The following RIF1 variants were observed in gnomAD, a reference collection of about 807,000 sequenced individuals.
RIF1 encodes the protein telomere-associated protein RIF1.
RIF1 carries 45 observed loss-of-function variants against 247.1 expected under a neutral mutation model. The ratio of observed to expected loss-of-function variants is 0.18; its 90% CI spans 0.14 to 0.23. The LOEUF is 0.23. RIF1 is among the 10% of genes least tolerant of loss of function. The probability of loss-of-function intolerance (pLI) is 1.00; values close to 1 mark genes in which losing one functional copy is unlikely to be tolerated. For missense variants in RIF1, 2,967 were observed against 2,862.5 expected (o/e 1.04, Z -0.83); for synonymous variants, 1,087 against 978.8 (o/e 1.11, Z -2.06).
At chr2:151,514,000 A>G in the RIF1 span, among the ~76,000 whole-genome samples, 1 of 152,254 alleles carries the variant, frequency 6.6e-6, no homozygotes, top group Non-Finnish European at 1.5e-5. Flanking sequence ...TACATAACTA[A>G]GATTACACTT....
intron 21 of RIF1, among the ~76,000 whole-genome samples, chr2:151,452,611 A>G (rs956449260): frequency 6.6e-6 from 1 of 152,222 alleles, no homozygotes; most frequent in African/African-American, 2.4e-5. Context: ...CCGTGGAAAT[A>G]TAGGTTATAG....
chr2:151,463,343 T>C lies in RIF1; in HGVS notation c.3823T>C (p.Ser1275Pro), dbSNP rs1204133029. ...AKQREGTFSK[S>P]DSEKIVNGTK... ...GCAAAGAGAAGGGACTTTTTCAAAA[T>C]CTGATTCTGAAAAAATAGTGAATGG... Residue 1275 changes from serine to proline, a missense_variant, in exon 30 of 36, where the codon TCT (serine) becomes CCT (proline). Ser to Pro is a moderately conservative substitution (Grantham distance 74). Coordinates refer to ENST00000444746, the MANE Select transcript of RIF1 (RefSeq NM_018151.5). 6.2e-7 allele frequency: 1 copy of C among 1,613,696 alleles called. No individual in the cohort carries two copies. The highest frequency in any genetic ancestry group is 1.3e-5 in the African/African-American group (1 of 74,894).
At chr2:151,460,729 C>A (rs1246942417) in intron 26 of RIF1, among the ~76,000 whole-genome samples, 1 of 152,184 alleles carries the variant, frequency 6.6e-6, no homozygotes, top group Non-Finnish European at 1.5e-5. Flanking sequence ...TTCCAATGAA[C>A]ATTTATTAAG....
rs541908352 is a variant in RIF1, at chr2:151,496,277, G to A, written c.*513+951G>A. On this transcript the variant is annotated intron_variant and NMD_transcript_variant, in intron 10 of 13. Transcript: ENST00000454583. ...TTTTTTTCTTTTCTCGCCAAGTACC[G>A]AGCTAATATTTTCTTGATTGTGTTT... The A allele has an allele frequency of 2.6e-5, 42 of 1,604,380 alleles. No individual in the cohort carries two copies. The highest frequency in any genetic ancestry group is 5.3e-5 in the African/African-American group (4 of 74,838).
Position 151,436,816 on chromosome 2 carries a change from T to G in RIF1, c.1196-11T>G. 6.4e-7 allele frequency: 1 copy of G among 1,556,592 alleles called. No individual in the cohort carries two copies. Among genetic ancestry groups the G allele is most frequent in the Non-Finnish European group, 8.6e-7 (1 of 1,156,150 alleles). ...TTGTATGACTTAACTCTTTTTTTTT[T>G]TTTCTTAAAGGTGCTTCCTCCCCGT... On this transcript the variant is annotated splice_polypyrimidine_tract_variant and intron_variant, in intron 11 of 35. Transcript: ENST00000444746.
At chr2:151,493,933 A>G (rs957266874) in intron 9 of RIF1, 9 of 1,160,212 alleles carry the variant, frequency 7.8e-6, no homozygotes, top group Non-Finnish European at 1.1e-5. Flanking sequence ...TTATATTGCA[A>G]GTTGGGGGGA....
intron 28 of RIF1, 27 bp from the exon 29 acceptor site, chr2:151,462,385 T>C (rs1696322983): frequency 1.4e-6 from 2 of 1,465,704 alleles, no homozygotes; most frequent in Non-Finnish European, 1.8e-6. Context: ...ATTATAAAAA[T>C]AATATTCTTA....
rs147524937 is a variant in RIF1, at chr2:151,464,323, A to G, written c.4803A>G (p.Ser1601=). The change falls in exon 30 of 36, where the codon TCA becomes TCG. Residue 1601 remains serine, a synonymous_variant. Transcript: ENST00000444746. ...KQECIKAENQ[S]HDYKATSEED... ...AATGTATAAAAGCTGAAAATCAGTC[A>G]CATGATTATAAAGCAACTTCTGAAG... 6.2e-7 allele frequency: 1 copy of G among 1,610,254 alleles called. No individual in the cohort carries two copies. The highest frequency in any genetic ancestry group is 8.5e-7 in the Non-Finnish European group (1 of 1,179,056).
the RIF1 span, chr2:151,516,418 G>T: frequency 7.3e-7 from 1 of 1,375,166 alleles, no homozygotes; most frequent in Non-Finnish European, 1.0e-6. Context: ...GTTCAGTAGT[G>T]TGATGGATCA....
intron 12 of RIF1, chr2:151,505,461 G>A (rs2068064967): frequency 6.2e-7 from 1 of 1,604,958 alleles, no homozygotes; most frequent in Non-Finnish European, 8.5e-7. Flanking sequence ...AATGGAAGCT[G>A]AGAGTATGGC....
At chr2:151,491,696 TA>T in intron 9 of RIF1, 3 of 1,593,626 alleles carry the variant, frequency 1.9e-6, no homozygotes, top group South Asian at 2.3e-5. Context: ...TAATCATGTG[TA>T]AGCTTCGGGA....
Position 151,432,314 on chromosome 2 carries a change from T to C in RIF1, c.926-763T>C, listed in dbSNP as rs570067763. On this transcript the variant is annotated intron_variant, in intron 9 of 35. Coordinates refer to ENST00000444746, the MANE Select transcript of RIF1 (RefSeq NM_018151.5). ...CGTGAACCACCACGCCCAGCCCTTT[T>C]AAGGTCTTTTTGACAAGTTATTTTA... Among the ~76,000 whole-genome samples the C allele has an allele frequency of 4.7e-4, 72 of 152,274 alleles. 2 individuals carry two copies. In the South Asian group the frequency reaches 0.014, roughly 30 times the overall value.
At chr2:151,520,461 TAACTC>T in the RIF1 span, among the ~76,000 whole-genome samples, 1 of 152,196 alleles carries the variant, frequency 6.6e-6, no homozygotes, top group Non-Finnish European at 1.5e-5. Flanking sequence ...GAGGGCTAAA[TAACTC>T]CAATTTAAAA....
intron 12 of RIF1, chr2:151,505,884 G>T (rs3815852): frequency 3.7e-6 from 2 of 537,826 alleles, no homozygotes; most frequent in Non-Finnish European, 6.6e-6. Context: ...TAAACAGATT[G>T]ACATACATAT....
Position 151,451,725 on chromosome 2 carries a change from C to A in RIF1, c.2344+20C>A. On this transcript the variant is annotated intron_variant, in intron 21 of 35. Transcript: ENST00000444746. Reference sequence around the variant, plus strand: ...TTAAATGTAAGTATGTATTTTTTAACCTTTGTTTGTCCAGTATTTCATAAG... The same window carrying A: ...TTAAATGTAAGTATGTATTTTTTAAACTTTGTTTGTCCAGTATTTCATAAG... 8.0e-7 allele frequency: 1 copy of A among 1,243,504 alleles called. No homozygotes were observed. The highest frequency in any genetic ancestry group is 1.2e-5 in the South Asian group (1 of 83,144). The allele number at this position is 1,243,504 out of a possible 1,614,324, so 77.0% of individuals were successfully genotyped here. A position where few individuals can be genotyped will look rare whatever the true frequency, so the allele number is the denominator to read the frequency against.
In RIF1 at chr2:151,409,933, C is replaced by T. The variant is rs1036995847; in HGVS notation, c.-111C>T. 4 of 700,828 alleles carry T rather than the reference C, an allele frequency of 5.7e-6. No individual in the cohort carries two copies. Among genetic ancestry groups the T allele is most frequent in the Admixed American group, 2.0e-5 (1 of 49,930 alleles). The allele number at this position is 700,828 out of a possible 1,614,324, so 43.4% of individuals were successfully genotyped here. A position where few individuals can be genotyped will look rare whatever the true frequency, so the allele number is the denominator to read the frequency against. ...CATCTTGGTCTAGGAGGGAGCGCGC[C>T]GCACGCGTGAGTAAACAGCCGGAGC... On this transcript the variant is annotated 5_prime_UTR_variant, in exon 1 of 36. Coordinates refer to ENST00000444746, the MANE Select transcript of RIF1 (RefSeq NM_018151.5).
chr2:151,492,110 C>T (rs2057114337), intron 9 of RIF1: 2 of 1,613,786 alleles, frequency 1.2e-6, no homozygotes, highest in African/African-American at 2.7e-5. Flanking sequence ...GTAATAGTCT[C>T]CTGATCTTGG....
At position 151,463,617 on chromosome 2, in the gene RIF1, T is replaced by A; in HGVS notation, c.4097T>A (p.Val1366Glu). The stretch of plus-strand genomic sequence containing the variant: ...AAAGCAGCAACAGTGGAAAATGCTG[T>A]ATTATTGGAAACTAATACTGTAGAG... The part of the protein sequence containing the change: ...KLKAATVENA[V>E]LLETNTVEEK... Residue 1366 changes from valine (V) to glutamate (E), a missense_variant, in exon 30 of 36, where the codon GTA becomes GAA. Physicochemically the swap from Val to Glu is moderately radical, Grantham distance 121. This residue lies in a region of RIF1 where 2,028 missense variants were observed against 1,825.6 expected (regional missense o/e 1.11). Transcript: ENST00000444746. 2 of 1,613,754 alleles carry A rather than the reference T, an allele frequency of 1.2e-6. No homozygotes were observed. The highest frequency in any genetic ancestry group is 1.7e-6 in the Non-Finnish European group (2 of 1,179,902).
downstream of RIF1, among the ~76,000 whole-genome samples, chr2:151,510,650 C>G (rs1027129709): frequency 4.6e-5 from 7 of 152,098 alleles, no homozygotes; most frequent in Admixed American, 3.3e-4. Flanking sequence ...TATAATTGTT[C>G]TATTTTATTA....
Sources: gnomAD v4.1 joint callset for allele counts (sites outside exome capture counted in the v4.1 genomes callset) on GRCh38, gnomAD v4.1.1 for gene constraint, gnomAD v4.1.1 regional missense constraint, MANE v1.5 for transcripts, NCBI Gene and HGNC (gene_info 2026-07-23, HGNC 2026-07-21) for gene names.